Variants in IKBKE observed in about 807,000 individuals in gnomAD.
IKBKE encodes inhibitor of nuclear factor kappa B kinase subunit epsilon, also known as inhibitor of nuclear factor kappa-B kinase subunit epsilon.
In IKBKE, 45 loss-of-function variants were observed where a neutral mutation model predicts 92.1. The observed-to-expected ratio is 0.49, with a 90% CI of 0.38 to 0.63. IKBKE has a LOEUF of 0.63. IKBKE is among the 20% of genes least tolerant of loss of function. The probability of loss-of-function intolerance (pLI) is 0.00; values close to 1 mark genes in which losing one functional copy is unlikely to be tolerated. For missense variants in IKBKE, 700 were observed against 932.8 expected (o/e 0.75, Z 3.25); for synonymous variants, 374 against 380.3 (o/e 0.98, Z 0.19).
intron 18 of IKBKE, chr1:206,492,357 C>T (rs189396032): frequency 4.7e-5 from 20 of 430,056 alleles, no homozygotes; most frequent in Middle Eastern, 3.5e-4. Flanking sequence ...CAATTTCCCA[C>T]GTGCTACCAC....
In IKBKE at chr1:206,494,011, T is replaced by C. The variant is rs782376084; in HGVS notation, c.2117+20T>C. ...CGAACGGTAAGGAGCTTTCACCTTG[T>C]GTAGGTCAGGGCCGGGTCTTCAAGC... On this transcript the variant is annotated intron_variant, in intron 21 of 21. Transcript: ENST00000581977. 1.2e-5 allele frequency: 19 copies of C among 1,610,526 alleles called. No homozygotes were observed. In the South Asian group the frequency reaches 1.9e-4, roughly 16 times the overall value.
rs782736754 is a variant in IKBKE at position 206,485,238 on chromosome 1, C to G, written c.1548C>G (p.Thr516=). 2 of 1,613,896 alleles carry G rather than the reference C, an allele frequency of 1.2e-6. No individual in the cohort carries two copies. Among genetic ancestry groups the G allele is most frequent in the Non-Finnish European group, 1.7e-6 (2 of 1,179,894 alleles). The part of the protein sequence containing the change: ...LSRCSQNITE[T]QESLSSLNRE... ...GATGCTCCCAAAATATCACGGAGAC[C>G]CAGGAGAGCCTGAGCAGCCTGAACC... is the stretch of plus-strand genomic sequence containing the variant. Residue 516 remains threonine, a synonymous_variant, in exon 15 of 22, where the codon ACC becomes ACG. Transcript: ENST00000581977. The surrounding 1 kb of genome is among the most constrained non-coding windows in gnomAD (Gnocchi z 5.0).
chr1:206,491,825 G>C, intron 18 of IKBKE, 76 bp downstream of exon 18: 1 of 1,049,722 alleles, frequency 9.5e-7, no homozygotes, highest in Non-Finnish European at 1.5e-6. Flanking sequence ...CCAGGGCTTT[G>C]TGGAGCCCTG....
chr1:206,480,171 C>T (rs1160787090), intron 12 of IKBKE, 58 bp downstream of exon 12: 1 of 1,168,066 alleles, frequency 8.6e-7, no homozygotes, highest in East Asian at 2.8e-5. Flanking sequence ...GGGAGGCGGA[C>T]AGGAGGGGGA....
intron 19 of IKBKE, 42 bp downstream of exon 19, chr1:206,493,161 G>T (rs1289096545): frequency 3.2e-6 from 5 of 1,566,298 alleles, no homozygotes; most frequent in South Asian, 1.2e-5. Flanking sequence ...GGGGATGCAG[G>T]CTGGGGCGCT....
intron 1 of IKBKE, 35 bp from the exon 2 acceptor site, chr1:206,471,121 G>A (rs1385841731): frequency 2.6e-5 from 4 of 152,324 alleles, no homozygotes; most frequent in African/African-American, 4.8e-5. Flanking sequence ...TGCACTGAGG[G>A]GCGCCTCTCA....
At chr1:206,489,385 A>G (rs1029831065) in intron 16 of IKBKE, among the ~76,000 whole-genome samples, 10 of 143,358 alleles carry the variant, frequency 7.0e-5, no homozygotes, top group African/African-American at 1.6e-4. Flanking sequence ...ATATATATAT[A>G]TATATATATA....
rs2103460762 is a variant in IKBKE at position 206,478,929 on chromosome 1, A to T, written c.993-14A>T. ...CACCCCCTGCCCTCTGCTCCCCACCACGGCTGTGTCTAGGATAGCCATTTT... is the reference window on the plus strand; with the variant it reads ...CACCCCCTGCCCTCTGCTCCCCACCTCGGCTGTGTCTAGGATAGCCATTTT... On this transcript the variant is annotated splice_polypyrimidine_tract_variant and intron_variant, in intron 9 of 21. Transcript: ENST00000581977. The surrounding 1 kb of genome is among the most constrained non-coding windows in gnomAD (Gnocchi z 4.8). 6.2e-7 allele frequency: 1 copy of T among 1,612,762 alleles called. No individual in the cohort carries two copies. The highest frequency in any genetic ancestry group is 8.5e-7 in the Non-Finnish European group (1 of 1,179,442).
Position 206,478,846 on chromosome 1 carries a change from C to T in IKBKE, c.993-97C>T. On this transcript the variant is annotated intron_variant, in intron 9 of 21. Transcript: ENST00000581977. The surrounding 1 kb of genome is among the most constrained non-coding windows in gnomAD (Gnocchi z 4.8). Reference sequence around the variant, plus strand: ...CTCCCTCTGCAAAACAGAGCCCTGTCTATGGGCAACGCTTAGCTGGGGCTT... The same window carrying T: ...CTCCCTCTGCAAAACAGAGCCCTGTTTATGGGCAACGCTTAGCTGGGGCTT... 2 of 949,498 alleles carry T rather than the reference C, an allele frequency of 2.1e-6. No individual in the cohort carries two copies. 58.8% of individuals were successfully genotyped at this position (949,498 alleles called of 1,614,324 possible). A position where few individuals can be genotyped will look rare whatever the true frequency, so the allele number is the denominator to read the frequency against.
Position 206,480,037 on chromosome 1 carries a change from G to C in IKBKE, c.1264G>C (p.Gly422Arg). 1.9e-6 allele frequency: 3 copies of C among 1,608,180 alleles called. No individual in the cohort carries two copies. Among genetic ancestry groups the C allele is most frequent in the Non-Finnish European group, 2.5e-6 (3 of 1,177,684 alleles). The part of the protein sequence containing the change: ...YNTAKGVLGA[G>R]YQALRLARAL... ...TGTGTTTCAGGGCGTGTTGGGCGCC[G>C]GCTACCAGGCCCTGCGGCTGGCACG... Residue 422 changes from glycine to arginine, a missense_variant, in exon 12 of 22, where the codon GGC (glycine) becomes CGC (arginine). Transcript: ENST00000581977.
chr1:206,472,587 TCACACACACA>T (rs57402838), intron 2 of IKBKE, among the ~76,000 whole-genome samples: 2 of 149,982 alleles, frequency 1.3e-5, no homozygotes, highest in Admixed American at 6.6e-5. Flanking sequence ...ACACACACTC[TCACACACACA>T]CACACACACA....
Position 206,479,124 on chromosome 1 carries a change from T to C in IKBKE, c.1174T>C (p.Phe392Leu), listed in dbSNP as rs1553386323. The change falls in exon 10 of 22, where the codon TTC (phenylalanine) becomes CTC (leucine). Residue 392 changes from phenylalanine to leucine, a missense_variant. Physicochemically the swap from Phe to Leu is conservative, Grantham distance 22. Transcript: ENST00000581977. ...CACAGCCATCCCTAAGGGGCTGGCCTTCAGGGACCGTGAGTAGAGCCACCT... is the reference window on the plus strand; with the variant it reads ...CACAGCCATCCCTAAGGGGCTGGCCCTCAGGGACCGTGAGTAGAGCCACCT... Reference protein sequence around the residue: ...FSTAIPKGLAFRDPALDVPKF... With the variant: ...FSTAIPKGLALRDPALDVPKF... The C allele has an allele frequency of 6.3e-6, 10 of 1,598,826 alleles. No individual in the cohort carries two copies. Among genetic ancestry groups the C allele is most frequent in the Non-Finnish European group, 7.7e-6 (9 of 1,172,218 alleles).
intron 17 of IKBKE, 155 bp from the exon 18 acceptor site, chr1:206,491,493 C>A: frequency 1.8e-6 from 1 of 564,988 alleles, no homozygotes; most frequent in Admixed American, 2.8e-5. Flanking sequence ...TGTGACCGTC[C>A]TTCCTCCTTT....
chr1:206,471,254 A>C lies in IKBKE; in HGVS notation c.-33+9A>C, dbSNP rs1664757927. 6.6e-6 allele frequency: 1 copy of C among 152,110 alleles called. No individual in the cohort carries two copies. Among genetic ancestry groups the C allele is most frequent in the African/African-American group, 2.4e-5 (1 of 41,354 alleles). 9.4% of individuals were successfully genotyped at this position (152,110 alleles called of 1,614,324 possible). Reference sequence around the variant, plus strand: ...GCAGCTCAGAGTGTGGGGTAAGTGCACTTGGCCACAGCAGAGCCCTGAGGA... The same window carrying C: ...GCAGCTCAGAGTGTGGGGTAAGTGCCCTTGGCCACAGCAGAGCCCTGAGGA... On this transcript the variant is annotated intron_variant, in intron 2 of 21. Transcript: ENST00000581977.
At chr1:206,475,067 GGTGT>G in intron 5 of IKBKE, 73 bp downstream of exon 5, 1 of 1,486,610 alleles carries the variant, frequency 6.7e-7, no homozygotes, top group Non-Finnish European at 9.2e-7. Flanking sequence ...ACAGGACTCA[GGTGT>G]CTGACTCCTG....
At chr1:206,474,285 T>C in intron 3 of IKBKE, 46 bp from the exon 4 acceptor site, 1 of 1,566,288 alleles carries the variant, frequency 6.4e-7, no homozygotes, top group Non-Finnish European at 8.7e-7. Context: ...GAGTGGGACA[T>C]GTGCTAATCC....
At chr1:206,472,200 A>T (rs35417888) in intron 2 of IKBKE, among the ~76,000 whole-genome samples, 1 of 152,074 alleles carries the variant, frequency 6.6e-6, no homozygotes, top group Non-Finnish European at 1.5e-5. Flanking sequence ...GCAGTGAGTC[A>T]TGATTGTACC....
At chr1:206,492,507 T>TG (rs1553390688) in intron 18 of IKBKE, 1 of 471,370 alleles carries the variant, frequency 2.1e-6, no homozygotes, top group Admixed American at 2.3e-5. Flanking sequence ...GAGCAGGGCT[T>TG]GGATGTCAGT....
At chr1:206,483,047 C>T (rs1265859693) in intron 13 of IKBKE, among the ~76,000 whole-genome samples, 4 of 152,252 alleles carry the variant, frequency 2.6e-5, no homozygotes, top group Admixed American at 2.6e-4. Flanking sequence ...CCTGGCCCTC[C>T]TGGGCAGCTG....
Sources: allele counts gnomAD v4.1 joint callset (sites outside exome capture counted in the v4.1 genomes callset), GRCh38; gene constraint gnomAD v4.1.1; non-coding constraint Gnocchi (gnomAD v3.1); transcripts MANE v1.5; gene names NCBI Gene and HGNC (gene_info 2026-07-23, HGNC 2026-07-21).